The following IGSF11 variants were observed in gnomAD, a reference collection of about 807,000 sequenced individuals.
The protein encoded by IGSF11 is CXADR like 1.
A neutral mutation model predicts 41.0 loss-of-function variants in IGSF11; 22 were observed. That is an observed-to-expected ratio of 0.54 (90% confidence interval 0.38 to 0.77). IGSF11 has a LOEUF of 0.77. IGSF11 is among the 30% of genes least tolerant of loss of function. The probability of loss-of-function intolerance (pLI) is 0.00; values close to 1 mark genes in which losing one functional copy is unlikely to be tolerated. For missense variants in IGSF11, 444 were observed against 530.8 expected (o/e 0.84, Z 1.61); for synonymous variants, 219 against 201.3 (o/e 1.09, Z -0.74).
Position 119,142,108 on chromosome 3 carries a change from T to C in IGSF11, c.-14+3705A>G, listed in dbSNP as rs146779551. Among the ~76,000 whole-genome samples the C allele has an allele frequency of 8.6e-5, 13 of 152,042 alleles. No individual in the cohort carries two copies. In the East Asian group the frequency reaches 2.5e-3, roughly 29 times the overall value. On this transcript the variant is annotated intron_variant, in intron 1 of 7. Transcript: ENST00000425327. ...GACTAACACGGTGAAACCCCCTCTCTACTAAAAATACAAAAAATTAGCTGG... is the reference window on the plus strand; with the variant it reads ...GACTAACACGGTGAAACCCCCTCTCCACTAAAAATACAAAAAATTAGCTGG...
intron 1 of IGSF11, among the ~76,000 whole-genome samples, chr3:118,933,198 G>A (rs1942992012): frequency 6.6e-6 from 1 of 152,220 alleles, no homozygotes; most frequent in African/African-American, 2.4e-5. Flanking sequence ...TTGCAAAGGT[G>A]TAGGTTTGAA....
chr3:118,902,600 T>C lies in IGSF11; in HGVS notation c.1216A>G (p.Ile406Val), dbSNP rs1939019312. 1 of 1,614,014 alleles carries C rather than the reference T, an allele frequency of 6.2e-7. No individual in the cohort carries two copies. Among genetic ancestry groups the C allele is most frequent in the Non-Finnish European group, 8.5e-7 (1 of 1,179,958 alleles). The change falls in exon 7 of 7, where the codon ATC becomes GTC. Residue 406 changes from isoleucine to valine, a missense_variant. Transcript: ENST00000393775. ...PRPPHTHSYT[I>V]SHATLERIGA... ...ATTCGTTCCAGTGTTGCGTGGCTGA[T>C]GGTGTAGGAATGAGTGTGTGGAGGC...
At chr3:119,125,907 AAGACC>A (rs2077398194) in intron 1 of IGSF11, among the ~76,000 whole-genome samples, 1 of 152,170 alleles carries the variant, frequency 6.6e-6, no homozygotes, top group South Asian at 2.1e-4. Flanking sequence ...CACAGATCAG[AAGACC>A]CCGCTCGCGA....
intron 1 of IGSF11, among the ~76,000 whole-genome samples, chr3:119,044,291 G>A (rs1388119454): frequency 6.6e-6 from 1 of 151,996 alleles, no homozygotes; most frequent in African/African-American, 2.4e-5. Context: ...CAATCAAATC[G>A]AACAAGTAGA....
At chr3:119,092,440 A>T (rs1449036184) in intron 1 of IGSF11, among the ~76,000 whole-genome samples, 5 of 151,942 alleles carry the variant, frequency 3.3e-5, no homozygotes, top group Non-Finnish European at 7.4e-5. Flanking sequence ...GGTTCAAGAG[A>T]TTCTCCTGTC....
intron 1 of IGSF11, among the ~76,000 whole-genome samples, chr3:119,013,766 G>A (rs1373243535): frequency 6.6e-6 from 1 of 152,194 alleles, no homozygotes; most frequent in Non-Finnish European, 1.5e-5. Flanking sequence ...TGGACAACGT[G>A]TGTCTTGCCC....
intron 1 of IGSF11, chr3:119,112,506 C>T (rs553007641): frequency 6.6e-6 from 1 of 152,474 alleles, no homozygotes; most frequent in African/African-American, 2.4e-5. Context: ...TCACCCCTTT[C>T]CTTGACCAGG....
Position 118,944,988 on chromosome 3 carries a change from C to A in IGSF11, c.53-14713G>T, listed in dbSNP as rs922186586. ...TGAAAAGAGCACAGGACATAGAATC[C>A]AGGTACAGCTACTGACTAATTGTGT... On this transcript the variant is annotated intron_variant, in intron 1 of 6. Coordinates refer to ENST00000393775, the MANE Select transcript of IGSF11 (RefSeq NM_001015887.3). 5 of 152,226 alleles carry A rather than the reference C, an allele frequency of 3.3e-5. 1 individual carries two copies. Among genetic ancestry groups the A allele is most frequent in the East Asian group, 1.9e-4 (1 of 5,180 alleles). 9.4% of individuals were successfully genotyped at this position (152,226 alleles called of 1,614,324 possible). A position where few individuals can be genotyped will look rare whatever the true frequency, so the allele number is the denominator to read the frequency against.
chr3:119,039,577 AT>A (rs1941039037), upstream of IGSF11, among the ~76,000 whole-genome samples: 1 of 152,150 alleles, frequency 6.6e-6, no homozygotes, highest in Non-Finnish European at 1.5e-5. Flanking sequence ...GGGGAATCCC[AT>A]TTGTGGGGGG....
intron 1 of IGSF11, among the ~76,000 whole-genome samples, chr3:119,040,105 G>A (rs144003737): frequency 6.6e-6 from 1 of 152,260 alleles, no homozygotes; most frequent in Non-Finnish European, 1.5e-5. Context: ...GCAGCCAGAG[G>A]CTACAAGATT....
intron 1 of IGSF11, among the ~76,000 whole-genome samples, chr3:119,016,152 G>A (rs1938659662): frequency 6.6e-6 from 1 of 152,210 alleles, no homozygotes; most frequent in Non-Finnish European, 1.5e-5. Flanking sequence ...CCAGAGCCAG[G>A]AAGGAGGCAC....
At chr3:118,965,022 C>T (rs1945575818) in intron 1 of IGSF11, among the ~76,000 whole-genome samples, 1 of 151,996 alleles carries the variant, frequency 6.6e-6, no homozygotes, top group Non-Finnish European at 1.5e-5. Context: ...ATGTACCTTG[C>T]CCAGAGTTGA....
chr3:118,942,868 A>T (rs1182438834), intron 1 of IGSF11, among the ~76,000 whole-genome samples: 2 of 152,160 alleles, frequency 1.3e-5, no homozygotes, highest in Non-Finnish European at 2.9e-5. Flanking sequence ...ACAGTGGGGC[A>T]GAGGAGGTAG....
chr3:119,078,576 T>C (rs1308949261), intron 1 of IGSF11, among the ~76,000 whole-genome samples: 1 of 152,186 alleles, frequency 6.6e-6, no homozygotes, highest in Non-Finnish European at 1.5e-5. Flanking sequence ...CAAGATGGAT[T>C]AAAGATTTAT....
chr3:118,930,426 TG>T (rs1441021158), intron 1 of IGSF11, 151 bp from the exon 2 acceptor site: 1 of 651,102 alleles, frequency 1.5e-6, no homozygotes, highest in African/African-American at 1.9e-5. Context: ...GACCAGTCAC[TG>T]AGTCAAAATA....
At chr3:119,142,274 CAAAA>C (rs11328968) in intron 1 of IGSF11, among the ~76,000 whole-genome samples, 29 of 81,724 alleles carry the variant, frequency 3.5e-4, no homozygotes, top group African/African-American at 8.0e-4. Flanking sequence ...GACTCCATCT[CAAAA>C]AAAAAAAAAA....
At chr3:118,938,960 G>T (rs886402240) in intron 1 of IGSF11, among the ~76,000 whole-genome samples, 20 of 152,104 alleles carry the variant, frequency 1.3e-4, no homozygotes, top group African/African-American at 4.8e-4. Context: ...GAATTAAAAG[G>T]AGAAAAAGTG....
chr3:118,977,713 G>A (rs1016376124), intron 1 of IGSF11, among the ~76,000 whole-genome samples: 1 of 152,122 alleles, frequency 6.6e-6, no homozygotes, highest in Non-Finnish European at 1.5e-5. Flanking sequence ...TCCTAGCCAG[G>A]GGAGAGCCCT....
chr3:118,905,854 A>G, intron 4 of IGSF11, 136 bp from the exon 5 acceptor site: 1 of 907,560 alleles, frequency 1.1e-6, no homozygotes, highest in Non-Finnish European at 1.6e-6. Context: ...GTAGGGTGAG[A>G]AATTATTGGT....
Sources: allele counts gnomAD v4.1 joint callset (sites outside exome capture counted in the v4.1 genomes callset), GRCh38; gene constraint gnomAD v4.1.1; transcripts MANE v1.5; gene names NCBI Gene and HGNC (gene_info 2026-07-23, HGNC 2026-07-21).